AAMDC: variants seen among roughly 807,000 people sequenced by gnomAD.
AAMDC encodes the protein mth938 domain-containing protein.
In AAMDC, 16 loss-of-function variants were observed where a neutral mutation model predicts 15.5. That is an observed-to-expected ratio of 1.03 (90% CI 0.70 to 1.57). The LOEUF is 1.57. Ranked by LOEUF, AAMDC falls within the 40% of genes most tolerant of loss-of-function variation. The pLI is 0.00. For synonymous variants in AAMDC, 51 were observed against 51.6 expected (o/e 0.99, Z 0.05); for missense variants, 141 against 144.9 (o/e 0.97, Z 0.14).
At chr11:77,889,165 G>T (rs944973723) in intron 5 of AAMDC, among the ~76,000 whole-genome samples, 7 of 152,120 alleles carry the variant, frequency 4.6e-5, no homozygotes, top group African/African-American at 1.7e-4. Flanking sequence ...GCAAAGACTT[G>T]GAACCAACCC....
chr11:77,851,682 C>G (rs552342941), intron 2 of AAMDC, among the ~76,000 whole-genome samples: 1 of 152,082 alleles, frequency 6.6e-6, no homozygotes, highest in South Asian at 2.1e-4. Flanking sequence ...GGTACCTCCC[C>G]CAACCTTGCT....
At chr11:77,882,797 G>A (rs116835188) in intron 5 of AAMDC, among the ~76,000 whole-genome samples, 2,590 of 152,258 alleles carry the variant, frequency 0.017, 71 homozygotes, top group African/African-American at 0.058. Flanking sequence ...AAGGCCCAGC[G>A]CAGTGGCTCA....
At chr11:77,898,524 A>ATCTTCG (rs1952631433) in intron 5 of AAMDC, among the ~76,000 whole-genome samples, 1 of 152,236 alleles carries the variant, frequency 6.6e-6, no homozygotes, top group Non-Finnish European at 1.5e-5. Flanking sequence ...CTTCATCTTC[A>ATCTTCG]TCTTAGATCA....
At chr11:77,878,727 T>C (rs1045074243) in intron 5 of AAMDC, 15 of 694,984 alleles carry the variant, frequency 2.2e-5, no homozygotes, top group Non-Finnish European at 3.4e-5. Context: ...AGCTTGGTGT[T>C]TTCTCAACTT....
intron 5 of AAMDC, among the ~76,000 whole-genome samples, chr11:77,886,249 C>A (rs1318964139): frequency 6.6e-6 from 1 of 151,978 alleles, no homozygotes; most frequent in Non-Finnish European, 1.5e-5. Context: ...CAAAACTGTC[C>A]TTGGTGAAAG....
At chr11:77,888,990 G>A (rs1379271246) in intron 5 of AAMDC, among the ~76,000 whole-genome samples, 1 of 152,192 alleles carries the variant, frequency 6.6e-6, no homozygotes, top group Non-Finnish European at 1.5e-5. Flanking sequence ...CTGTAAACTA[G>A]TTCAACCATT....
intron 5 of AAMDC, among the ~76,000 whole-genome samples, chr11:77,886,543 C>A (rs1178122092): frequency 6.6e-6 from 1 of 152,196 alleles, no homozygotes; most frequent in African/African-American, 2.4e-5. Flanking sequence ...CTATGACTCT[C>A]TTAAGGTAGC....
intron 2 of AAMDC, chr11:77,868,832 T>C (rs1014123896): frequency 4.7e-4 from 96 of 203,552 alleles, no homozygotes; most frequent in African/African-American, 2.2e-3. Context: ...CGGGTACCTT[T>C]CTCTCTGGCT....
At chr11:77,822,002 C>G (rs1267603127) in intron 1 of AAMDC, among the ~76,000 whole-genome samples, 4 of 152,000 alleles carry the variant, frequency 2.6e-5, no homozygotes, top group African/African-American at 9.7e-5. Context: ...TGCCGTAGCA[C>G]ATAGTGAGTA....
At chr11:77,850,571 A>G (rs1481020316) in intron 2 of AAMDC, 3 of 152,208 alleles carry the variant, frequency 2.0e-5, no homozygotes, top group Non-Finnish European at 4.4e-5. Context: ...ATAAAATTAA[A>G]GAAAAACCAA....
chr11:77,892,218 A>G (rs1952304405), intron 5 of AAMDC, among the ~76,000 whole-genome samples: 1 of 152,216 alleles, frequency 6.6e-6, no homozygotes, highest in Admixed American at 6.5e-5. Context: ...AAACACAGTG[A>G]ACGGAAGAGA....
chr11:77,854,429 G>A (rs898874757), intron 2 of AAMDC, among the ~76,000 whole-genome samples: 4 of 152,190 alleles, frequency 2.6e-5, no homozygotes, highest in Non-Finnish European at 4.4e-5. Flanking sequence ...ATACAATGGG[G>A]TTATAGGCAT....
At chr11:77,864,317 G>C (rs559235260) in intron 2 of AAMDC, among the ~76,000 whole-genome samples, 167 of 150,260 alleles carry the variant, frequency 1.1e-3, no homozygotes, top group African/African-American at 3.6e-3. Context: ...GGTGGCACAT[G>C]CCTGTAATCC....
At chr11:77,847,755 G>A (rs1344306157) in intron 2 of AAMDC, among the ~76,000 whole-genome samples, 1 of 152,186 alleles carries the variant, frequency 6.6e-6, no homozygotes, top group African/African-American at 2.4e-5. Flanking sequence ...TTTAGCTAGT[G>A]TATTAGTCAG....
chr11:77,884,970 G>A (rs1207401271), intron 5 of AAMDC: 1 of 196,814 alleles, frequency 5.1e-6, no homozygotes, highest in Admixed American at 5.1e-5. Context: ...ATGTTGCCCA[G>A]GCTAGTCTCC....
At chr11:77,889,278 C>T (rs1952155416) in intron 5 of AAMDC, among the ~76,000 whole-genome samples, 1 of 151,864 alleles carries the variant, frequency 6.6e-6, no homozygotes, top group South Asian at 2.1e-4. Context: ...CCATCATTCT[C>T]AGCAAACTAT....
chr11:77,900,354 C>T (rs895797369), intron 5 of AAMDC, among the ~76,000 whole-genome samples: 8 of 152,156 alleles, frequency 5.3e-5, no homozygotes, highest in African/African-American at 1.9e-4. Context: ...CCACCTTGGC[C>T]TCCCAAAGTG....
intron 1 of AAMDC, chr11:77,840,947 G>T (rs987199177): frequency 4.3e-6 from 2 of 462,496 alleles, no homozygotes; most frequent in African/African-American, 3.8e-5. Flanking sequence ...AATCCATGTT[G>T]TGCTCCTATA....
chr11:77,879,126 C>T, intron 5 of AAMDC: 1 of 1,612,906 alleles, frequency 6.2e-7, no homozygotes, highest in Non-Finnish European at 8.5e-7. Flanking sequence ...CCTGGCATGC[C>T]TCTGAAAAAA....
Sources: allele counts gnomAD v4.1 joint callset (sites outside exome capture counted in the v4.1 genomes callset), GRCh38; gene constraint gnomAD v4.1.1; transcripts MANE v1.5; gene names NCBI Gene and HGNC (gene_info 2026-07-23, HGNC 2026-07-21).